The following MAPK10 variants were observed in gnomAD, a reference collection of about 807,000 sequenced individuals.
The protein encoded by MAPK10 is JNK3 alpha protein kinase.
MAPK10 carries 25 observed loss-of-function variants against 59.3 expected under a neutral mutation model. The observed-to-expected ratio is 0.42, with a 90% CI of 0.31 to 0.59. MAPK10 has a LOEUF of 0.59. MAPK10 is among the 20% of genes least tolerant of loss of function. The pLI is 0.15. For synonymous variants in MAPK10, 190 were observed against 200.5 expected, an observed-to-expected ratio of 0.95 and a Z score of 0.44; for missense variants, 351 against 568.9, an observed-to-expected ratio of 0.62 and a Z score of 3.90.
intron 4 of MAPK10, among the ~76,000 whole-genome samples, chr4:86,118,749 C>G (rs920985579): frequency 4.6e-5 from 7 of 152,144 alleles, no homozygotes; most frequent in Non-Finnish European, 2.9e-5. Context: ...TCTTGTTCCT[C>G]TTTCCCTTTA....
intron 2 of MAPK10, among the ~76,000 whole-genome samples, chr4:86,242,421 G>A (rs766312882): frequency 3.9e-5 from 6 of 152,178 alleles, no homozygotes; most frequent in Non-Finnish European, 5.9e-5. Flanking sequence ...ACTTGTCTGG[G>A]CTGCCCAGAT....
At chr4:86,498,927 T>C (rs1755095899) in intron 1 of MAPK10, among the ~76,000 whole-genome samples, 1 of 152,194 alleles carries the variant, frequency 6.6e-6, no homozygotes, top group African/African-American at 2.4e-5. Context: ...TACTGAAACA[T>C]GCACTGTTTC....
intron 2 of MAPK10, among the ~76,000 whole-genome samples, chr4:86,328,002 C>A (rs1460755): frequency 5.3e-5 from 8 of 151,962 alleles, no homozygotes; most frequent in South Asian, 2.1e-4. Flanking sequence ...TAAAATCTTC[C>A]TATGGTTTGA....
chr4:86,284,218 T>C (rs1398913496), intron 2 of MAPK10, among the ~76,000 whole-genome samples: 1 of 152,128 alleles, frequency 6.6e-6, no homozygotes, highest in African/African-American at 2.4e-5. Context: ...ATTTTACAAA[T>C]AAAAAAACTA....
At chr4:86,219,960 C>A (rs887094545) in intron 2 of MAPK10, 1 of 152,022 alleles carries the variant, frequency 6.6e-6, no homozygotes, top group Non-Finnish European at 1.5e-5. Flanking sequence ...ATAAGAATTA[C>A]AATATATTAC....
At chr4:86,043,555 A>T (rs2041974918) in intron 11 of MAPK10, among the ~76,000 whole-genome samples, 2 of 152,188 alleles carry the variant, frequency 1.3e-5, no homozygotes, top group Non-Finnish European at 2.9e-5. Context: ...GTAGAAGTGT[A>T]GTTAAAAATA....
intron 2 of MAPK10, among the ~76,000 whole-genome samples, chr4:86,306,475 G>A (rs939026912): frequency 4.9e-4 from 74 of 152,284 alleles, no homozygotes; most frequent in African/African-American, 1.6e-3. Context: ...ATCATACTTT[G>A]CAAACAACTG....
chr4:86,536,843 CT>C (rs1758279261), intron 1 of MAPK10, among the ~76,000 whole-genome samples: 1 of 152,146 alleles, frequency 6.6e-6, no homozygotes, highest in African/African-American at 2.4e-5. Context: ...TAGCTCTTGC[CT>C]TTCTTCTTTC....
chr4:86,044,928 C>G (rs1032354105), intron 11 of MAPK10, among the ~76,000 whole-genome samples: 4 of 152,076 alleles, frequency 2.6e-5, no homozygotes, highest in African/African-American at 4.8e-5. Context: ...TTCAACAAAA[C>G]TTTCTTAAGT....
intron 2 of MAPK10, among the ~76,000 whole-genome samples, chr4:86,232,449 C>T (rs149873728): frequency 0.084 from 12,671 of 151,696 alleles, 1,163 homozygotes; most frequent in African/African-American, 0.23. Flanking sequence ...TCTCGGCTCA[C>T]TGCAAGCTCC....
Position 86,064,266 on chromosome 4 carries a change from C to T in MAPK10, c.1110G>A (p.Ala370=). 1.9e-6 allele frequency: 3 copies of T among 1,613,634 alleles called. No homozygotes were observed. Among genetic ancestry groups the T allele is most frequent in the South Asian group, 1.1e-5 (1 of 90,954 alleles). Residue 370 remains alanine, a splice_region_variant and synonymous_variant, in exon 11 of 14, where the codon GCG becomes GCA. Transcript: ENST00000641462. ...AAAGTAAAGGCAGCCTATTTCTTAC[C>T]GCCTCCACTTCGGCTGGGTCATACC... ...NVWYDPAEVE[A]PPPQIYDKQL... is the part of the protein sequence containing the mutation.
At chr4:86,337,849 C>A (rs1296596721) in intron 2 of MAPK10, among the ~76,000 whole-genome samples, 8 of 152,178 alleles carry the variant, frequency 5.3e-5, no homozygotes, top group African/African-American at 1.9e-4. Flanking sequence ...TGCTATCAGA[C>A]TGGTCATTTT....
At chr4:86,042,303 T>G (rs1041053746) in intron 11 of MAPK10, among the ~76,000 whole-genome samples, 1 of 151,970 alleles carries the variant, frequency 6.6e-6, no homozygotes, top group African/African-American at 2.4e-5. Context: ...GAGGAGAACA[T>G]CACACACCAG....
intron 4 of MAPK10, chr4:86,117,614 G>T (rs1174251254): frequency 6.6e-6 from 1 of 152,198 alleles, no homozygotes; most frequent in Non-Finnish European, 1.5e-5. Flanking sequence ...AGAAGCTTTT[G>T]CAGCTAGCAC....
At chr4:86,461,565 A>C (rs1040215365) in intron 1 of MAPK10, among the ~76,000 whole-genome samples, 1 of 152,140 alleles carries the variant, frequency 6.6e-6, no homozygotes, top group African/African-American at 2.4e-5. Flanking sequence ...CAGGGTAACA[A>C]TGGGACAACT....
chr4:86,078,516 T>G (rs1028057766), intron 9 of MAPK10, among the ~76,000 whole-genome samples: 5 of 152,076 alleles, frequency 3.3e-5, no homozygotes, highest in Admixed American at 2.6e-4. Flanking sequence ...TGGAAAGTAC[T>G]AATTATAGTT....
intron 2 of MAPK10, among the ~76,000 whole-genome samples, chr4:86,261,228 A>G (rs1190111092): frequency 5.3e-5 from 8 of 152,234 alleles, no homozygotes; most frequent in African/African-American, 1.9e-4. Flanking sequence ...AGTTTCAATA[A>G]TAATTCATCA....
intron 2 of MAPK10, among the ~76,000 whole-genome samples, chr4:86,199,281 G>GA (rs912290526): frequency 7.3e-5 from 11 of 151,660 alleles, no homozygotes; most frequent in African/African-American, 2.7e-4. Flanking sequence ...ATGAACTCTG[G>GA]AAAAAAACAA....
chr4:86,242,551 T>C (rs2092800208), intron 2 of MAPK10, among the ~76,000 whole-genome samples: 1 of 152,152 alleles, frequency 6.6e-6, no homozygotes, highest in Non-Finnish European at 1.5e-5. Context: ...GCTGGAATTA[T>C]TGGAGATCCT....
Sources: allele counts gnomAD v4.1 joint callset (sites outside exome capture counted in the v4.1 genomes callset), GRCh38; gene constraint gnomAD v4.1.1; transcripts MANE v1.5; gene names NCBI Gene and HGNC (gene_info 2026-07-23, HGNC 2026-07-21).